PLXNA2: variants seen among roughly 807,000 people sequenced by gnomAD.
The protein encoded by PLXNA2 is plexin-A2.
A neutral mutation model predicts 193.5 loss-of-function variants in PLXNA2; 91 were observed. The ratio of observed to expected loss-of-function variants is 0.47; its 90% CI spans 0.40 to 0.56. The LOEUF (loss-of-function observed/expected upper bound fraction) is 0.56. Among genes scored for constraint, PLXNA2 ranks in the 20% least tolerant of loss-of-function variants. PLXNA2 has a pLI of 0.00. For synonymous variants in PLXNA2, 997 were observed against 1,027.3 expected, an observed-to-expected ratio of 0.97 and a Z score of 0.56; for missense variants, 1,995 against 2,503.2, an observed-to-expected ratio of 0.80 and a Z score of 4.33.
At chr1:208,051,998 C>T (rs187046767) in intron 15 of PLXNA2, among the ~76,000 whole-genome samples, 1 of 152,302 alleles carries the variant, frequency 6.6e-6, no homozygotes, top group East Asian at 1.9e-4. Flanking sequence ...GCTATGCAAT[C>T]TCCGTGTTTT....
At position 208,052,468 on chromosome 1, in the gene PLXNA2, G is replaced by A. The variant is rs545108193; in HGVS notation, c.2857-5C>T. On this transcript the variant is annotated splice_region_variant and splice_polypyrimidine_tract_variant and intron_variant, in intron 14 of 31. Transcript: ENST00000367033. ...GAGTGACAGCACAGAAGGGTTCTTTGGAAAGAAGCAGAGAAATGACTACAG... is the reference window on the plus strand; with the variant it reads ...GAGTGACAGCACAGAAGGGTTCTTTAGAAAGAAGCAGAGAAATGACTACAG... 3.7e-6 allele frequency: 6 copies of A among 1,613,894 alleles called. No homozygotes were observed. The Admixed American group carries it at 1.0e-4, about 27-fold the overall frequency.
At chr1:208,081,885 G>A (rs1182164754) in intron 11 of PLXNA2, among the ~76,000 whole-genome samples, 1 of 152,084 alleles carries the variant, frequency 6.6e-6, no homozygotes, top group Non-Finnish European at 1.5e-5. Context: ...CGATGAATAA[G>A]GGTCACCCTC....
At chr1:208,124,705 A>AACCAGAG (rs1553283871) in intron 4 of PLXNA2, among the ~76,000 whole-genome samples, 104 of 143,408 alleles carry the variant, frequency 7.3e-4, no homozygotes, top group East Asian at 4.9e-3. Flanking sequence ...AAAAAAAAAG[A>AACCAGAG]ACCAGAGATA....
chr1:208,233,319 G>T (rs1671747892), intron 1 of PLXNA2, among the ~76,000 whole-genome samples: 1 of 152,114 alleles, frequency 6.6e-6, no homozygotes. Flanking sequence ...AAAATTTCTT[G>T]CAAGGAACGT....
chr1:208,103,356 G>C (rs1667160304), intron 4 of PLXNA2, 109 bp from the exon 5 acceptor site: 2 of 801,940 alleles, frequency 2.5e-6, no homozygotes, highest in African/African-American at 3.4e-5. Context: ...CTCCCCTAAA[G>C]AGGTGATACT....
At chr1:208,123,458 GT>G (rs1286697369) in intron 4 of PLXNA2, among the ~76,000 whole-genome samples, 1 of 152,162 alleles carries the variant, frequency 6.6e-6, no homozygotes, top group African/African-American at 2.4e-5. Context: ...GTGAAATGAT[GT>G]TTTCGAGTGT....
At chr1:208,199,097 G>C (rs575363285) in intron 3 of PLXNA2, among the ~76,000 whole-genome samples, 1 of 152,194 alleles carries the variant, frequency 6.6e-6, no homozygotes, top group Non-Finnish European at 1.5e-5. Context: ...GAAGACTAAC[G>C]TGTAAGACTT....
intron 2 of PLXNA2, among the ~76,000 whole-genome samples, chr1:208,214,710 C>T (rs1391237463): frequency 6.6e-6 from 1 of 152,158 alleles, no homozygotes; most frequent in Non-Finnish European, 1.5e-5. Flanking sequence ...CTGTTAACTC[C>T]CTGTGTAATA....
rs1459052375 is a variant in PLXNA2, at chr1:208,029,002, G to A, written c.5266C>T (p.Gln1756Ter). 6.2e-7 allele frequency: 1 copy of A among 1,614,092 alleles called. No homozygotes were observed. Among genetic ancestry groups the A allele is most frequent in the Admixed American group, 1.7e-5 (1 of 60,016 alleles). ...CCCTTGTGGATGTCAAACACGAACT[G>A]GGGGTTCTTAATCACGTTCACCCAG... is the stretch of plus-strand genomic sequence containing the variant. ...RFWVNVIKNP[Q>*]FVFDIHKGSI... is the part of the protein sequence containing the mutation. Residue 1756 changes from glutamine (Q) to a stop codon, truncating the protein, a stop_gained, in exon 30 of 32, where the codon CAG (glutamine) becomes TAG (stop). Transcript: ENST00000367033. LOFTEE classifies it high-confidence loss of function.
At chr1:208,190,673 G>A (rs759305246) in intron 3 of PLXNA2, among the ~76,000 whole-genome samples, 2 of 152,196 alleles carry the variant, frequency 1.3e-5, no homozygotes, top group African/African-American at 4.8e-5. Context: ...CCAAGACATA[G>A]CAATGAAAAG....
At chr1:208,085,525 GC>G (rs926972316) in intron 9 of PLXNA2, among the ~76,000 whole-genome samples, 11 of 152,352 alleles carry the variant, frequency 7.2e-5, no homozygotes, top group African/African-American at 2.2e-4. Context: ...GATGCCAGGG[GC>G]CAGGATTGCT....
At chr1:208,100,949 C>T (rs1667075996) in intron 5 of PLXNA2, among the ~76,000 whole-genome samples, 1 of 152,334 alleles carries the variant, frequency 6.6e-6, no homozygotes, top group East Asian at 1.9e-4. Context: ...AGTGATTCCA[C>T]AATCAAGCAG....
chr1:208,093,338 A>G (rs1666773867), intron 8 of PLXNA2, among the ~76,000 whole-genome samples: 1 of 152,170 alleles, frequency 6.6e-6, no homozygotes, highest in South Asian at 2.1e-4. Context: ...AAGACAGGGT[A>G]GCCGGCAGAG....
intron 29 of PLXNA2, chr1:208,029,814 C>T (rs1664446372): frequency 1.0e-6 from 1 of 985,382 alleles, no homozygotes; most frequent in African/African-American, 1.7e-5. Flanking sequence ...CAAATAAGCC[C>T]ATTTACTCTC....
intron 17 of PLXNA2, among the ~76,000 whole-genome samples, chr1:208,049,885 A>C (rs1665200018): frequency 6.6e-6 from 1 of 152,236 alleles, no homozygotes; most frequent in South Asian, 2.1e-4. Flanking sequence ...ATCTTAGTCT[A>C]GTCAAGCCCC....
At chr1:208,034,685 C>T (rs967024196) in intron 26 of PLXNA2, 93 bp from the exon 27 acceptor site, 6 of 785,822 alleles carry the variant, frequency 7.6e-6, no homozygotes, top group African/African-American at 1.7e-5. Context: ...TATAAGATAG[C>T]TGTGGGGTAG....
chr1:208,074,139 T>A (rs1050526912), intron 12 of PLXNA2, among the ~76,000 whole-genome samples: 2 of 152,198 alleles, frequency 1.3e-5, no homozygotes, highest in Non-Finnish European at 2.9e-5. Context: ...AAATATTCAG[T>A]CTCTTCCTTT....
Position 208,216,886 on chromosome 1 carries a change from T to C in PLXNA2, c.1037A>G (p.Tyr346Cys), listed in dbSNP as rs1412196212. The change falls in exon 2 of 32, where the codon TAT becomes TGT. Residue 346 changes from tyrosine to cysteine, a missense_variant. Physicochemically the swap from Tyr to Cys is radical, Grantham distance 194 (BLOSUM62 -2). Coordinates refer to ENST00000367033, the MANE Select transcript of PLXNA2 (RefSeq NM_025179.4). The stretch of plus-strand genomic sequence containing the variant: ...GGCAGAGTCATCGGGCGGGTGGTGA[T>C]ACTGCTTCTGCCCTTTGGAGAAGAT... ...FAIFSKGQKQ[Y>C]HHPPDDSALC... The C allele has an allele frequency of 1.2e-6, 2 of 1,614,084 alleles. No homozygotes were observed. Among genetic ancestry groups the C allele is most frequent in the Non-Finnish European group, 1.7e-6 (2 of 1,180,042 alleles).
Position 208,217,840 on chromosome 1 carries a change from A to G in PLXNA2, c.83T>C (p.Leu28Pro). 4 of 1,613,964 alleles carry G rather than the reference A, an allele frequency of 2.5e-6. No individual in the cohort carries two copies. Among genetic ancestry groups the G allele is most frequent in the Non-Finnish European group, 3.4e-6 (4 of 1,180,018 alleles). ...VVLLSVVWVL[L>P]APPAAGMPQF... Reference sequence around the variant, plus strand: ...AGGCATGCCGGCTGCTGGGGGGGCCAGCAGCACCCAGACCACTGAGAGCAG... The same window carrying G: ...AGGCATGCCGGCTGCTGGGGGGGCCGGCAGCACCCAGACCACTGAGAGCAG... Residue 28 changes from leucine (L) to proline (P), a missense_variant, in exon 2 of 32, where the codon CTG (leucine) becomes CCG (proline). Leu to Pro is a moderately conservative substitution (Grantham distance 98). Around this residue, in one of 3 missense-constraint regions of PLXNA2, gnomAD observed 702 missense variants for 812.9 expected, o/e 0.86. Coordinates refer to ENST00000367033, the MANE Select transcript of PLXNA2 (RefSeq NM_025179.4). The surrounding 1 kb of genome is among the most constrained non-coding windows in gnomAD (Gnocchi z 4.7).
Sources: allele counts gnomAD v4.1 joint callset (sites outside exome capture counted in the v4.1 genomes callset), GRCh38; gene constraint gnomAD v4.1.1; regional missense constraint gnomAD v4.1.1; non-coding constraint Gnocchi (gnomAD v3.1); transcripts MANE v1.5; gene names NCBI Gene and HGNC (gene_info 2026-07-23, HGNC 2026-07-21).